TP63: variants seen among roughly 807,000 people sequenced by gnomAD.
TP63 encodes the protein tumor protein 63.
A neutral mutation model predicts 82.8 loss-of-function variants in TP63; 17 were observed. That is an observed-to-expected ratio of 0.21 (90% CI 0.14 to 0.31). TP63 has a LOEUF of 0.31. Ranked by LOEUF, TP63 falls within the 10% of genes least tolerant of loss-of-function variation. TP63 has a pLI of 1.00. For missense variants in TP63, 648 were observed against 895.3 expected (o/e 0.72, Z 3.52); for synonymous variants, 330 against 321.7 (o/e 1.03, Z -0.28).
intron 4 of TP63, among the ~76,000 whole-genome samples, chr3:189,825,135 A>G (rs940870000): frequency 2.6e-5 from 4 of 152,224 alleles, no homozygotes; most frequent in African/African-American, 7.2e-5. Context: ...CATCTGCAAC[A>G]AACCCTTATT....
the TP63 span, among the ~76,000 whole-genome samples, chr3:189,618,737 C>T: frequency 2.0e-5 from 3 of 152,258 alleles, no homozygotes; most frequent in Admixed American, 6.5e-5. Flanking sequence ...TGATGACCTT[C>T]GAGTGTCCAC....
chr3:189,772,464 A>C (rs543327639), intron 3 of TP63, among the ~76,000 whole-genome samples: 1 of 152,336 alleles, frequency 6.6e-6, no homozygotes, highest in Non-Finnish European at 1.5e-5. Flanking sequence ...TCTGTATTTC[A>C]CCAATCAATA....
chr3:189,693,020 C>A (rs1717068024), intron 1 of TP63, among the ~76,000 whole-genome samples: 1 of 152,096 alleles, frequency 6.6e-6, no homozygotes, highest in Non-Finnish European at 1.5e-5. Context: ...CCTGCCAGCA[C>A]CCCCTCAAAC....
In TP63 at chr3:189,668,120, G is replaced by A. The variant is rs555188601; in HGVS notation, c.62+36543G>A. On this transcript the variant is annotated intron_variant, in intron 1 of 13. Coordinates refer to ENST00000264731, the MANE Select transcript of TP63 (RefSeq NM_003722.5). Reference sequence around the variant, plus strand: ...ACAGGGGCTTGAGAAAAAAAATTAGGCATTGCACAGATATGTTCAACAAAG... The same window carrying A: ...ACAGGGGCTTGAGAAAAAAAATTAGACATTGCACAGATATGTTCAACAAAG... Among the ~76,000 whole-genome samples, 148 of 151,974 alleles carry A rather than the reference G, an allele frequency of 9.7e-4. 1 individual carries two copies. The South Asian group carries it at 0.026, about 27-fold the overall frequency.
At chr3:189,880,999 C>A in intron 10 of TP63, 1 of 985,360 alleles carries the variant, frequency 1.0e-6, no homozygotes. Context: ...AAAGACAAAT[C>A]CACCCCAGTA....
At chr3:189,644,104 A>G (rs1712177807) in intron 1 of TP63, among the ~76,000 whole-genome samples, 1 of 151,894 alleles carries the variant, frequency 6.6e-6, no homozygotes, top group Non-Finnish European at 1.5e-5. Context: ...TCCCATTTCC[A>G]CTTCAGGTAC....
intron 1 of TP63, among the ~76,000 whole-genome samples, chr3:189,662,097 T>A (rs79402517): frequency 2.0e-5 from 3 of 152,028 alleles, no homozygotes; most frequent in African/African-American, 7.2e-5. Flanking sequence ...ATTTCTTTTC[T>A]TGTGCTAATT....
At chr3:189,697,762 A>G (rs1252950043) in intron 1 of TP63, among the ~76,000 whole-genome samples, 3 of 151,916 alleles carry the variant, frequency 2.0e-5, no homozygotes, top group African/African-American at 2.4e-5. Context: ...TAGATCCTGT[A>G]TTTATTTTAT....
intron 1 of TP63, among the ~76,000 whole-genome samples, chr3:189,636,054 A>C (rs1023020868): frequency 1.3e-5 from 2 of 152,158 alleles, no homozygotes; most frequent in Non-Finnish European, 2.9e-5. Context: ...GTTTATACAC[A>C]CTTTTAAAGA....
chr3:189,738,495 C>A, intron 2 of TP63, 147 bp from the exon 3 acceptor site: 1 of 1,136,442 alleles, frequency 8.8e-7, no homozygotes, highest in Middle Eastern at 2.4e-4. Context: ...AGTGATTGAG[C>A]CAGGACTCAA....
intron 4 of TP63, among the ~76,000 whole-genome samples, chr3:189,856,796 A>G (rs924737392): frequency 1.3e-5 from 2 of 150,636 alleles, no homozygotes; most frequent in African/African-American, 5.0e-5. Flanking sequence ...AAAATAAAAT[A>G]CTGAAGGATA....
At chr3:189,845,812 C>T (rs188592108) in intron 4 of TP63, among the ~76,000 whole-genome samples, 2 of 150,864 alleles carry the variant, frequency 1.3e-5, no homozygotes, top group Admixed American at 1.3e-4. Context: ...TTATTTCATC[C>T]ATAGTCTCTA....
chr3:189,776,551 T>C (rs1385625350), intron 3 of TP63, among the ~76,000 whole-genome samples: 2 of 152,200 alleles, frequency 1.3e-5, no homozygotes, highest in African/African-American at 4.8e-5. Flanking sequence ...AATTCCTAAA[T>C]TTATCCTGAA....
intron 3 of TP63, among the ~76,000 whole-genome samples, chr3:189,763,830 C>A (rs1250433006): frequency 2.6e-5 from 4 of 152,138 alleles, no homozygotes; most frequent in African/African-American, 9.7e-5. Context: ...ATATATATGG[C>A]CATCAGTGTG....
At chr3:189,624,733 C>G in the TP63 span, among the ~76,000 whole-genome samples, 1 of 152,144 alleles carries the variant, frequency 6.6e-6, no homozygotes, top group South Asian at 2.1e-4. Flanking sequence ...AATTTCTCCA[C>G]TCACATTTTT....
intron 1 of TP63, among the ~76,000 whole-genome samples, chr3:189,680,140 T>C (rs531119251): frequency 4.6e-5 from 7 of 152,232 alleles, no homozygotes; most frequent in Admixed American, 4.6e-4. Context: ...AAAACTGCCA[T>C]TGGAATTCTG....
chr3:189,786,741 G>C (rs1724634038), intron 3 of TP63, among the ~76,000 whole-genome samples: 1 of 151,958 alleles, frequency 6.6e-6, no homozygotes, highest in African/African-American at 2.4e-5. Flanking sequence ...CTGAGAAAAG[G>C]CAAGAGCTCT....
chr3:189,657,636 A>G, intron 1 of TP63, among the ~76,000 whole-genome samples: 1 of 152,138 alleles, frequency 6.6e-6, no homozygotes, highest in East Asian at 1.9e-4. Context: ...TAAGAACCAT[A>G]TTTATCTATT....
intron 5 of TP63, 123 bp downstream of exon 5, chr3:189,864,541 C>CTTTT (rs10714778): frequency 2.6e-4 from 56 of 215,470 alleles, no homozygotes; most frequent in Middle Eastern, 1.6e-3. Context: ...ATCAGTCTGC[C>CTTTT]TTTTTTTTTT....
Sources: allele counts gnomAD v4.1 joint callset (sites outside exome capture counted in the v4.1 genomes callset), GRCh38; gene constraint gnomAD v4.1.1; transcripts MANE v1.5; gene names NCBI Gene and HGNC (gene_info 2026-07-23, HGNC 2026-07-21).